Variants in NOS1AP observed in about 807,000 individuals in gnomAD.
NOS1AP encodes carboxyl-terminal PDZ ligand of neuronal nitric oxide synthase protein.
Under a neutral mutation model 56.2 loss-of-function variants are expected in NOS1AP, and 21 were observed. The ratio of observed to expected loss-of-function variants is 0.37; its 90% CI spans 0.26 to 0.54. NOS1AP has a LOEUF of 0.54. Among genes scored for constraint, NOS1AP ranks in the 20% least tolerant of loss-of-function variants. NOS1AP has a pLI of 0.84. For synonymous variants in NOS1AP, 270 were observed against 274.6 expected (o/e 0.98, Z 0.17); for missense variants, 522 against 657.8 (o/e 0.79, Z 2.26).
At chr1:162,117,387 GA>G (rs1431646787) in intron 1 of NOS1AP, among the ~76,000 whole-genome samples, 1 of 152,132 alleles carries the variant, frequency 6.6e-6, no homozygotes, top group Non-Finnish European at 1.5e-5. Context: ...TTAAACTGGT[GA>G]ATTCTTGCCA....
Position 162,367,410 on chromosome 1 carries a change from G to C in NOS1AP, c.1464G>C (p.Leu488=). 1 of 1,595,400 alleles carries C rather than the reference G, an allele frequency of 6.3e-7. No individual in the cohort carries two copies. Among genetic ancestry groups the C allele is most frequent in the Non-Finnish European group, 8.6e-7 (1 of 1,169,164 alleles). ...SWSQEELPRL[L]NVLQRQELGD... The stretch of plus-strand genomic sequence containing the variant: ...CCCAGGAGGAGCTGCCGCGCCTGCT[G>C]AATGTCCTGCAGAGGCAGGAACTGG... Residue 488 remains leucine (L), a synonymous_variant, in exon 10 of 10, where the codon CTG becomes CTC. Transcript: ENST00000361897. The surrounding 1 kb of genome is among the most constrained non-coding windows in gnomAD (Gnocchi z 6.5).
chr1:162,109,784 C>T (rs968100963), intron 1 of NOS1AP, among the ~76,000 whole-genome samples: 1 of 151,842 alleles, frequency 6.6e-6, no homozygotes, highest in Non-Finnish European at 1.5e-5. Context: ...TGGGTATCTG[C>T]AATTCATTCC....
intron 2 of NOS1AP, among the ~76,000 whole-genome samples, chr1:162,224,976 T>G (rs1337747552): frequency 1.3e-5 from 2 of 152,116 alleles, no homozygotes; most frequent in African/African-American, 4.8e-5. Flanking sequence ...AAGAAGCATC[T>G]CAGTAAAAAT....
chr1:162,209,335 G>T (rs1652265652), intron 2 of NOS1AP, among the ~76,000 whole-genome samples: 1 of 152,190 alleles, frequency 6.6e-6, no homozygotes, highest in South Asian at 2.1e-4. Flanking sequence ...CCTTTAAGTT[G>T]GAAATAGTCT....
At chr1:162,204,453 G>A (rs550483856) in intron 2 of NOS1AP, among the ~76,000 whole-genome samples, 1 of 152,320 alleles carries the variant, frequency 6.6e-6, no homozygotes, top group Admixed American at 6.5e-5. Flanking sequence ...TGTTGCCTCT[G>A]TGTGGGCAGG....
intron 2 of NOS1AP, among the ~76,000 whole-genome samples, chr1:162,205,270 C>G (rs1314102823): frequency 1.3e-5 from 2 of 152,222 alleles, no homozygotes; most frequent in Admixed American, 1.3e-4. Flanking sequence ...TTTCTTCTCT[C>G]AGGTTCAGGA....
intron 1 of NOS1AP, among the ~76,000 whole-genome samples, chr1:162,072,130 C>G (rs1049959886): frequency 3.3e-5 from 5 of 149,318 alleles, no homozygotes; most frequent in Non-Finnish European, 7.4e-5. Context: ...TATTTTAAGC[C>G]TTTTTATTTT....
chr1:162,194,670 C>T (rs1465403933), intron 2 of NOS1AP, among the ~76,000 whole-genome samples: 2 of 152,146 alleles, frequency 1.3e-5, no homozygotes, highest in South Asian at 2.1e-4. Flanking sequence ...GGCAAGGTTG[C>T]CAGTGTTCTC....
intron 1 of NOS1AP, among the ~76,000 whole-genome samples, chr1:162,107,296 T>G (rs1647550515): frequency 6.6e-6 from 1 of 152,216 alleles, no homozygotes; most frequent in African/African-American, 2.4e-5. Context: ...CTGAATATAC[T>G]TTGTTTTCTT....
rs73029301 is a variant in NOS1AP, at chr1:162,355,480, G to T, written c.762+127G>T. ...CATGGCACAGTGGCGGTGCCAGAGC[G>T]CACTTCATTGCCTTTCAGAAGGTCT... is the stretch of plus-strand genomic sequence containing the variant. On this transcript the variant is annotated intron_variant, in intron 7 of 9. Transcript: ENST00000361897. 30 of 1,128,004 alleles carry T rather than the reference G, an allele frequency of 2.7e-5. No individual in the cohort carries two copies. In the South Asian group the frequency reaches 3.2e-4, roughly 12 times the overall value. The allele number at this position is 1,128,004 out of a possible 1,614,324, so 69.9% of individuals were successfully genotyped here. A position where few individuals can be genotyped will look rare whatever the true frequency, so the allele number is the denominator to read the frequency against.
At chr1:162,260,953 G>A (rs1487113200) in intron 2 of NOS1AP, among the ~76,000 whole-genome samples, 2 of 144,040 alleles carry the variant, frequency 1.4e-5, no homozygotes, top group Non-Finnish European at 3.0e-5. Context: ...CTGAAGAGAT[G>A]ATTTCCTCAA....
rs138420781 is a variant in NOS1AP, at chr1:162,253,550, A to G, written c.178-33794A>G. On this transcript the variant is annotated intron_variant, in intron 2 of 9. Transcript: ENST00000361897. ...CACTTTTCATCCTTAGAAGATCAAA[A>G]TAAGCAAGATTAACCCTGTCTAGTT... Among the ~76,000 whole-genome samples, 221 of 152,306 alleles carry G rather than the reference A, an allele frequency of 1.5e-3. 1 individual carries two copies. Among genetic ancestry groups the G allele is most frequent in the African/African-American group, 5.0e-3 (208 of 41,572 alleles).
At chr1:162,100,620 A>G (rs946226214) in intron 1 of NOS1AP, among the ~76,000 whole-genome samples, 5 of 147,624 alleles carry the variant, frequency 3.4e-5, no homozygotes, top group Admixed American at 2.6e-4. Flanking sequence ...TTTGCTGTGC[A>G]GAAGCTCTTT....
intron 2 of NOS1AP, among the ~76,000 whole-genome samples, chr1:162,185,091 T>G (rs1193547639): frequency 6.6e-6 from 1 of 152,220 alleles, no homozygotes; most frequent in Non-Finnish European, 1.5e-5. Flanking sequence ...CCCCATCCTG[T>G]ATCTTCAAAG....
intron 2 of NOS1AP, among the ~76,000 whole-genome samples, chr1:162,243,022 A>G (rs1034453956): frequency 1.3e-5 from 2 of 152,196 alleles, no homozygotes; most frequent in Admixed American, 6.5e-5. Flanking sequence ...GACAGCAGGC[A>G]GTGCAGGAGC....
At chr1:162,318,038 T>C (rs553282765) in intron 4 of NOS1AP, among the ~76,000 whole-genome samples, 1 of 152,206 alleles carries the variant, frequency 6.6e-6, no homozygotes, top group Non-Finnish European at 1.5e-5. Context: ...GCCCCCACCT[T>C]AGTGGCAGGT....
At chr1:162,161,766 G>A (rs988294656) in intron 2 of NOS1AP, among the ~76,000 whole-genome samples, 1 of 152,156 alleles carries the variant, frequency 6.6e-6, no homozygotes, top group Non-Finnish European at 1.5e-5. Context: ...TATTTGTAGA[G>A]ATGGGGTCTC....
At chr1:162,146,694 G>A (rs1283399557) in intron 1 of NOS1AP, among the ~76,000 whole-genome samples, 1 of 152,120 alleles carries the variant, frequency 6.6e-6, no homozygotes, top group African/African-American at 2.4e-5. Flanking sequence ...GGCTTTTAAA[G>A]TTACTATTAT....
At chr1:162,264,806 G>A (rs1209896578) in intron 2 of NOS1AP, among the ~76,000 whole-genome samples, 3 of 105,556 alleles carry the variant, frequency 2.8e-5, no homozygotes, top group Non-Finnish European at 5.6e-5. Flanking sequence ...GTGAGCCACC[G>A]CGCCCGACCT....
Sources: gnomAD v4.1 joint callset for allele counts (sites outside exome capture counted in the v4.1 genomes callset) on GRCh38, gnomAD v4.1.1 for gene constraint, Gnocchi (gnomAD v3.1) non-coding constraint, MANE v1.5 for transcripts, NCBI Gene and HGNC (gene_info 2026-07-23, HGNC 2026-07-21) for gene names.